Variants in PDE1A observed in about 807,000 individuals in gnomAD.
PDE1A encodes dual specificity calcium/calmodulin-dependent 3',5'-cyclic nucleotide phosphodiesterase 1A.
PDE1A carries 35 observed loss-of-function variants against 61.7 expected under a neutral mutation model. That is an observed-to-expected ratio of 0.57 (90% CI 0.43 to 0.75). The LOEUF (loss-of-function observed/expected upper bound fraction) is 0.75, where lower values mean the gene tolerates loss of function less well. PDE1A is among the 30% of genes least tolerant of loss of function. The pLI, the probability that PDE1A is intolerant of heterozygous loss-of-function variation, is 0.00. For synonymous variants in PDE1A, 232 were observed against 213.2 expected (o/e 1.09, Z -0.77); for missense variants, 597 against 630.6 (o/e 0.95, Z 0.57).
intron 1 of PDE1A, among the ~76,000 whole-genome samples, chr2:182,362,486 G>T (rs1402370430): frequency 2.0e-5 from 3 of 152,018 alleles, no homozygotes; most frequent in Non-Finnish European, 4.4e-5. Flanking sequence ...CCTGCACAGG[G>T]CTGAGAGGGT....
At chr2:182,166,308 C>G (rs913693809), downstream of PDE1A, among the ~76,000 whole-genome samples, 1 of 152,108 alleles carries the variant, frequency 6.6e-6, no homozygotes, top group Non-Finnish European at 1.5e-5. Context: ...ATCCAATCAG[C>G]TGGGGGAGCA....
intron 1 of PDE1A, among the ~76,000 whole-genome samples, chr2:182,392,584 C>CT (rs949404871): frequency 6.9e-6 from 1 of 145,976 alleles, no homozygotes; most frequent in Non-Finnish European, 1.5e-5. Flanking sequence ...CGCAAAAGTC[C>CT]ACAGTCCAAA....
chr2:182,608,646 C>T, the PDE1A span, among the ~76,000 whole-genome samples: 5 of 152,212 alleles, frequency 3.3e-5, no homozygotes, highest in African/African-American at 1.2e-4. Flanking sequence ...CCCCACAGGG[C>T]AGGGCTCGGG....
intron 2 of PDE1A, among the ~76,000 whole-genome samples, chr2:182,499,175 T>TG (rs1688928900): frequency 2.1e-5 from 1 of 47,386 alleles, no homozygotes; most frequent in Non-Finnish European, 3.9e-5. Flanking sequence ...TTTTTCTTGT[T>TG]TTTTTTTTTT....
At chr2:182,610,622 A>C in the PDE1A span, among the ~76,000 whole-genome samples, 7 of 152,232 alleles carry the variant, frequency 4.6e-5, no homozygotes, top group Admixed American at 4.6e-4. Context: ...AACAGTTGAA[A>C]ATCTTTTATT....
At chr2:182,160,428 G>A (rs4497838) in intron 13 of PDE1A, among the ~76,000 whole-genome samples, 1 of 152,166 alleles carries the variant, frequency 6.6e-6, no homozygotes, top group African/African-American at 2.4e-5. Context: ...AAGCAATGCA[G>A]GCAGGAAAAG....
chr2:182,197,291 G>T (rs1686212230), intron 10 of PDE1A, among the ~76,000 whole-genome samples: 1 of 151,522 alleles, frequency 6.6e-6, no homozygotes, highest in South Asian at 2.1e-4. Context: ...AGTTCTATAT[G>T]CAATTGGACA....
intron 1 of PDE1A, among the ~76,000 whole-genome samples, chr2:182,386,923 C>T (rs1388219281): frequency 6.6e-6 from 1 of 152,222 alleles, no homozygotes; most frequent in Non-Finnish European, 1.5e-5. Flanking sequence ...GAGGCGCACC[C>T]AACAGCTCAC....
At chr2:182,487,175 C>A (rs983949092) in intron 2 of PDE1A, among the ~76,000 whole-genome samples, 1 of 152,138 alleles carries the variant, frequency 6.6e-6, no homozygotes, top group Admixed American at 6.6e-5. Flanking sequence ...TGTTCACCAT[C>A]ATCGGTCATT....
At chr2:182,517,799 C>A (rs75182186) in intron 2 of PDE1A, among the ~76,000 whole-genome samples, 10,890 of 152,222 alleles carry the variant, frequency 0.072, 512 homozygotes, top group Non-Finnish European at 0.11. Flanking sequence ...GGACATTTAG[C>A]CTACCCGGAC....
At chr2:182,683,958 A>G in the PDE1A span, among the ~76,000 whole-genome samples, 5 of 151,962 alleles carry the variant, frequency 3.3e-5, no homozygotes, top group Non-Finnish European at 7.4e-5. Flanking sequence ...CATTTCTACT[A>G]AAAATACAAA....
intron 2 of PDE1A, 35 bp downstream of exon 2, chr2:182,264,266 C>A (rs372565573): frequency 3.2e-4 from 447 of 1,397,444 alleles, no homozygotes; most frequent in Non-Finnish European, 3.8e-4. Flanking sequence ...GGGAGAGAAT[C>A]AAAGAAGATA....
the PDE1A span, among the ~76,000 whole-genome samples, chr2:182,634,176 T>C: frequency 6.6e-6 from 1 of 152,136 alleles, no homozygotes; most frequent in Non-Finnish European, 1.5e-5. Context: ...TATCATCAAC[T>C]AATCAAAAAT....
At chr2:182,592,143 C>A in the PDE1A span, among the ~76,000 whole-genome samples, 2 of 152,166 alleles carry the variant, frequency 1.3e-5, no homozygotes, top group South Asian at 2.1e-4. Context: ...CCAAGCACCT[C>A]AGAGAAGCAA....
chr2:182,304,845 A>G (rs1265145595), intron 1 of PDE1A, among the ~76,000 whole-genome samples: 2 of 152,220 alleles, frequency 1.3e-5, no homozygotes, highest in Admixed American at 6.5e-5. Flanking sequence ...ATAACAATAT[A>G]GTTTGCAAGA....
At chr2:182,225,519 C>A (rs1247881577) in intron 6 of PDE1A, among the ~76,000 whole-genome samples, 3 of 151,796 alleles carry the variant, frequency 2.0e-5, no homozygotes, top group Non-Finnish European at 4.4e-5. Context: ...TGTAGTTTTG[C>A]ATTAAAAAGA....
In PDE1A at chr2:182,449,087, A is replaced by ACACACACACACACACAC. The variant is rs1460786874; in HGVS notation, c.101+73188_101+73189insGTGTGTGTGTGTGTGTG. On this transcript the variant is annotated intron_variant, in intron 2 of 14. Coordinates refer to the PDE1A transcript ENST00000410103. ...ACACACACACACACACACACACACA[A>ACACACACACACACACAC]ACAAAACCCAGGAAATCCTTCTAAA... Among the ~76,000 whole-genome samples, 6 of 141,004 alleles carry ACACACACACACACACAC rather than the reference A, an allele frequency of 4.3e-5. 1 individual carries two copies. The East Asian group carries it at 8.3e-4, about 19-fold the overall frequency. The allele number at this position is 141,004 out of a possible 152,430, so 92.5% of individuals were successfully genotyped here. A position where few individuals can be genotyped will look rare whatever the true frequency, so the allele number is the denominator to read the frequency against.
intron 1 of PDE1A, among the ~76,000 whole-genome samples, chr2:182,307,994 T>C (rs1380191599): frequency 1.3e-5 from 2 of 152,152 alleles, no homozygotes; most frequent in Non-Finnish European, 2.9e-5. Flanking sequence ...ATATAGAGCT[T>C]CCTCAAGAAA....
the PDE1A span, among the ~76,000 whole-genome samples, chr2:182,635,432 A>G: frequency 6.6e-6 from 1 of 151,958 alleles, no homozygotes; most frequent in African/African-American, 2.4e-5. Context: ...TTTTTTGTTT[A>G]ATATACCTTA....
Sources: allele counts gnomAD v4.1 joint callset (sites outside exome capture counted in the v4.1 genomes callset), GRCh38; gene constraint gnomAD v4.1.1; transcripts MANE v1.5; gene names NCBI Gene and HGNC (gene_info 2026-07-23, HGNC 2026-07-21).